The following LUZP2 variants were observed in gnomAD, a reference collection of about 807,000 sequenced individuals.
LUZP2 encodes the protein leucine zipper protein 2.
Under a neutral mutation model 51.6 loss-of-function variants are expected in LUZP2, and 52 were observed. The ratio of observed to expected loss-of-function variants is 1.01; its 90% CI spans 0.81 to 1.27. The LOEUF is 1.27. LUZP2 is among the 50% of genes most tolerant of loss of function. The pLI is 0.00. For missense variants in LUZP2, 436 were observed against 395.4 expected (o/e 1.10, Z -0.87); for synonymous variants, 154 against 137.3 (o/e 1.12, Z -0.85).
intron 7 of LUZP2, among the ~76,000 whole-genome samples, chr11:24,938,866 T>G (rs1854664491): frequency 6.6e-6 from 1 of 152,170 alleles, no homozygotes; most frequent in African/African-American, 2.4e-5. Context: ...TTGTTGGTGT[T>G]TGACAATTTG....
chr11:24,919,691 C>T (rs1264218972), intron 7 of LUZP2, among the ~76,000 whole-genome samples: 1 of 149,150 alleles, frequency 6.7e-6, no homozygotes, highest in Admixed American at 6.8e-5. Flanking sequence ...TTTAAATTTA[C>T]ATTATGATGA....
intron 5 of LUZP2, among the ~76,000 whole-genome samples, chr11:24,869,846 C>G (rs895555026): frequency 1.3e-5 from 2 of 152,078 alleles, no homozygotes; most frequent in African/African-American, 2.4e-5. Flanking sequence ...AGTCGCAAGT[C>G]TCTTACTTTA....
intron 5 of LUZP2, among the ~76,000 whole-genome samples, chr11:24,769,264 T>TCG (rs373015906): frequency 0.08 from 12,195 of 152,180 alleles, 1,055 homozygotes; most frequent in African/African-American, 0.22. Flanking sequence ...GAAGAAGTTT[T>TCG]GTCAACAGGT....
intron 1 of LUZP2, among the ~76,000 whole-genome samples, chr11:24,679,834 T>C (rs984212578): frequency 6.6e-6 from 1 of 152,168 alleles, no homozygotes; most frequent in African/African-American, 2.4e-5. Context: ...CACCAGAATA[T>C]AAATTCCTAG....
intron 5 of LUZP2, among the ~76,000 whole-genome samples, chr11:24,856,638 A>G (rs1906087): frequency 0.15 from 23,042 of 152,060 alleles, 1,904 homozygotes; most frequent in African/African-American, 0.2. Flanking sequence ...TATGTTTATC[A>G]CAGTACTATT....
rs57668112 is a variant in LUZP2 at position 25,040,343 on chromosome 11, A to ATTTTTTTTTTTTTTTTTTTTTTTTTTTTT, written c.766-9675_766-9674insTTTTTTTTTTTTTTTTTTTTTTTTTTTTT. Reference sequence around the variant, plus strand: ...AGAGAGCCACTTTTCTTTCTTTCCGATTTTTTTTTTTTTTTTTTTTGCCAA... The same window carrying ATTTTTTTTTTTTTTTTTTTTTTTTTTTTT: ...AGAGAGCCACTTTTCTTTCTTTCCGATTTTTTTTTTTTTTTTTTTTTTTTTTTTTTTTTTTTTTTTTTTTTTTTTGCCAA... On this transcript the variant is annotated intron_variant, in intron 9 of 11. Transcript: ENST00000336930. Among the ~76,000 whole-genome samples, 37 of 98,818 alleles carry ATTTTTTTTTTTTTTTTTTTTTTTTTTTTT rather than the reference A, an allele frequency of 3.7e-4. 11 individuals carry two copies. Among genetic ancestry groups the ATTTTTTTTTTTTTTTTTTTTTTTTTTTTT allele is most frequent in the African/African-American group, 1.9e-3 (33 of 17,194 alleles). The allele number at this position is 98,818 out of a possible 152,430, so 64.8% of individuals were successfully genotyped here.
At chr11:24,532,755 ACT>A (rs1851049936) in intron 1 of LUZP2, among the ~76,000 whole-genome samples, 1 of 150,946 alleles carries the variant, frequency 6.6e-6, no homozygotes, top group South Asian at 2.1e-4. Flanking sequence ...AGAGGACCTG[ACT>A]CTGTTCTAGA....
chr11:24,926,293 G>GTGTA (rs1554940431), intron 7 of LUZP2, among the ~76,000 whole-genome samples: 1 of 129,270 alleles, frequency 7.7e-6, no homozygotes, highest in African/African-American at 3.1e-5. Flanking sequence ...ATATACGTGT[G>GTGTA]TATATATATA....
chr11:24,542,702 G>T (rs779224295), intron 1 of LUZP2, among the ~76,000 whole-genome samples: 6 of 151,128 alleles, frequency 4.0e-5, no homozygotes, highest in Non-Finnish European at 8.8e-5. Flanking sequence ...ATGCTAGTTT[G>T]CTAGTTTAAC....
intron 5 of LUZP2, among the ~76,000 whole-genome samples, chr11:24,899,316 GGATA>G (rs1000089346): frequency 6.6e-6 from 1 of 151,664 alleles, no homozygotes; most frequent in Non-Finnish European, 1.5e-5. Flanking sequence ...TTCAAATGTA[GGATA>G]TTTGAGTTGA....
At chr11:24,585,675 A>T (rs1400450995) in intron 1 of LUZP2, among the ~76,000 whole-genome samples, 2 of 152,156 alleles carry the variant, frequency 1.3e-5, no homozygotes, top group African/African-American at 4.8e-5. Flanking sequence ...TCTGCTGAAG[A>T]AAAAACATTT....
rs369083738 is a variant in LUZP2 at position 24,655,376 on chromosome 11, A to C, written c.63-73793A>C. ...TGATATCAAGATTTCAGCTTTTTAAAAATAGAGGTCTTTTTTTTTTAATAA... is the reference window on the plus strand; with the variant it reads ...TGATATCAAGATTTCAGCTTTTTAACAATAGAGGTCTTTTTTTTTTAATAA... On this transcript the variant is annotated intron_variant, in intron 1 of 11. Transcript: ENST00000336930. Among the ~76,000 whole-genome samples the C allele has an allele frequency of 3.7e-4, 56 of 152,272 alleles. 1 individual carries two copies. The highest frequency in any genetic ancestry group is 1.3e-3 in the African/African-American group (53 of 41,560).
intron 1 of LUZP2, among the ~76,000 whole-genome samples, chr11:24,509,304 G>A (rs1388102390): frequency 6.6e-6 from 1 of 151,846 alleles, no homozygotes; most frequent in Non-Finnish European, 1.5e-5. Context: ...TTCTTCCACT[G>A]GTAATCAGAA....
At chr11:24,742,297 T>C (rs1244977529) in intron 4 of LUZP2, among the ~76,000 whole-genome samples, 2 of 151,784 alleles carry the variant, frequency 1.3e-5, no homozygotes, top group Admixed American at 1.3e-4. Context: ...ACAGTGGCTG[T>C]ACTAGCTTAC....
At chr11:24,878,100 GT>G (rs368516003) in intron 5 of LUZP2, among the ~76,000 whole-genome samples, 159 of 96,644 alleles carry the variant, frequency 1.6e-3, no homozygotes, top group African/African-American at 5.5e-3. Flanking sequence ...AATATTCTGT[GT>G]TTTTTTTTTT....
At chr11:24,967,409 A>G (rs909409856) in intron 7 of LUZP2, among the ~76,000 whole-genome samples, 1 of 151,910 alleles carries the variant, frequency 6.6e-6, no homozygotes, top group Admixed American at 6.6e-5. Context: ...GTAATTTTCA[A>G]CACAAATGTT....
intron 5 of LUZP2, among the ~76,000 whole-genome samples, chr11:24,899,452 G>T (rs1340451819): frequency 1.3e-5 from 2 of 151,736 alleles, no homozygotes. Context: ...AACAAAACCT[G>T]ATTATATATT....
Position 25,081,974 on chromosome 11 carries a change from C to A in LUZP2, c.*3316C>A, listed in dbSNP as rs887087922. The A allele has an allele frequency of 6.6e-6, 1 of 151,964 alleles. No homozygotes were observed. The highest frequency in any genetic ancestry group is 2.4e-5 in the African/African-American group (1 of 41,394). The allele number at this position is 151,964 out of a possible 1,614,324, so 9.4% of individuals were successfully genotyped here. ...GTATATGTTTCTAAATTAGAAATTT[C>A]TTTTGGCTTTGTGTTTTTTTAATGT... On this transcript the variant is annotated 3_prime_UTR_variant, in exon 12 of 12. Coordinates refer to ENST00000336930, the MANE Select transcript of LUZP2 (RefSeq NM_001009909.4).
rs115470978 is a variant in LUZP2, at chr11:24,940,164, T to C, written c.522+25626T>C. Among the ~76,000 whole-genome samples, 578 of 152,272 alleles carry C rather than the reference T, an allele frequency of 3.8e-3. 2 individuals are homozygous for C. The highest frequency in any genetic ancestry group is 0.013 in the African/African-American group (538 of 41,554). ...AGAGCCCCCACAAAAAACACACACA[T>C]TGAAATCTACTACTTTCATATTTCT... On this transcript the variant is annotated intron_variant, in intron 7 of 11. Transcript: ENST00000336930.
Sources: gnomAD v4.1 joint callset for allele counts (sites outside exome capture counted in the v4.1 genomes callset) on GRCh38, gnomAD v4.1.1 for gene constraint, MANE v1.5 for transcripts, NCBI Gene and HGNC (gene_info 2026-07-23, HGNC 2026-07-21) for gene names.